The following CMTR1 variants were observed in gnomAD, a reference collection of about 807,000 sequenced individuals.
CMTR1 encodes the protein cap methyltransferase 1, also known as cap-specific mRNA (nucleoside-2'-O-)-methyltransferase 1.
A neutral mutation model predicts 107.0 loss-of-function variants in CMTR1; 39 were observed. The observed-to-expected ratio is 0.36, with a 90% confidence interval of 0.28 to 0.48. CMTR1 has a LOEUF of 0.48. CMTR1 is among the 20% of genes least tolerant of loss of function. CMTR1 has a pLI of 0.99. For missense variants in CMTR1, 672 were observed against 1,064.9 expected, an observed-to-expected ratio of 0.63 and a Z score of 5.14; for synonymous variants, 366 against 379.5, an observed-to-expected ratio of 0.96 and a Z score of 0.41.
At chr6:37,427,213 G>A in the CMTR1 span, among the ~76,000 whole-genome samples, 4 of 152,026 alleles carry the variant, frequency 2.6e-5, no homozygotes, top group East Asian at 1.9e-4. The surrounding 1 kb of genome is among the most constrained non-coding windows in gnomAD (Gnocchi z 4.4). Context: ...ATTAGACTCC[G>A]GAGTCCCATA....
intron 9 of CMTR1, 82 bp from the exon 10 acceptor site, chr6:37,459,484 T>C (rs578147217): frequency 1.7e-6 from 2 of 1,185,994 alleles, no homozygotes; most frequent in East Asian, 4.7e-5. Context: ...GATGCCCGTC[T>C]TCACTGACCC....
intron 9 of CMTR1, 63 bp from the exon 10 acceptor site, chr6:37,459,503 C>A: frequency 1.4e-6 from 2 of 1,401,202 alleles, no homozygotes; most frequent in Non-Finnish European, 2.0e-6. Flanking sequence ...CCAGAGCACT[C>A]GTGTCCCAGC....
At chr6:37,441,657 G>GC (rs1357504888) in intron 2 of CMTR1, among the ~76,000 whole-genome samples, 1 of 152,070 alleles carries the variant, frequency 6.6e-6, no homozygotes, top group Non-Finnish European at 1.5e-5. Context: ...CAGGTGATCC[G>GC]CCCGCCTCGC....
At position 37,481,221 on chromosome 6, in the gene CMTR1, G is replaced by A; in HGVS notation, c.*1076G>A. 1 of 1,296,536 alleles carries A rather than the reference G, an allele frequency of 7.7e-7. No individual in the cohort carries two copies. Among genetic ancestry groups the A allele is most frequent in the African/African-American group, 1.5e-5 (1 of 65,486 alleles). The allele number at this position is 1,296,536 out of a possible 1,614,324, so 80.3% of individuals were successfully genotyped here. On this transcript the variant is annotated 3_prime_UTR_variant, in exon 24 of 24. Coordinates refer to ENST00000373451, the MANE Select transcript of CMTR1 (RefSeq NM_015050.3). ...AGGGGGAGCTGGGCAGTAGCTTGGG[G>A]TGGGGGTGGGCACCTGTGGTTGTTT...
At chr6:37,431,888 T>G (rs1018021903), upstream of CMTR1, among the ~76,000 whole-genome samples, 1 of 152,218 alleles carries the variant, frequency 6.6e-6, no homozygotes, top group Non-Finnish European at 1.5e-5. Flanking sequence ...CAATCTCTGC[T>G]CACTGCAACC....
In CMTR1 at chr6:37,458,834, AG is replaced by A. The variant is rs1207501970; in HGVS notation, c.976+26del. 3 of 1,607,738 alleles carry A rather than the reference AG, an allele frequency of 1.9e-6. No individual in the cohort carries two copies. In the African/African-American group the frequency reaches 4.0e-5, roughly 21 times the overall value. On this transcript the variant is annotated intron_variant, in intron 9 of 23. Coordinates refer to ENST00000373451, the MANE Select transcript of CMTR1 (RefSeq NM_015050.3). The surrounding 1 kb of genome is among the most constrained non-coding windows in gnomAD (Gnocchi z 4.7). ...TGGTAGGGACATTGAGGAGGGTACT[AG>A]GAGGTATGAGGGACAGCCCCTCTAT...
At chr6:37,461,056 A>G (rs1207633508) in intron 10 of CMTR1, among the ~76,000 whole-genome samples, 4 of 152,206 alleles carry the variant, frequency 2.6e-5, no homozygotes, top group African/African-American at 9.7e-5. Context: ...ACCTGAGTCA[A>G]CAGAGAGAGA....
At chr6:37,454,259 G>A (rs1029421659) in intron 8 of CMTR1, among the ~76,000 whole-genome samples, 1 of 152,160 alleles carries the variant, frequency 6.6e-6, no homozygotes, top group African/African-American at 2.4e-5. Context: ...ACTGGCTAAA[G>A]AAACTTGTTT....
intron 2 of CMTR1, among the ~76,000 whole-genome samples, chr6:37,440,798 C>G (rs1325741815): frequency 6.6e-6 from 1 of 152,178 alleles, no homozygotes; most frequent in African/African-American, 2.4e-5. Context: ...AACAAAAGAT[C>G]TCTCTTTGAG....
chr6:37,448,388 C>G (rs1009110828), intron 4 of CMTR1, among the ~76,000 whole-genome samples: 1 of 152,082 alleles, frequency 6.6e-6, no homozygotes, highest in African/African-American at 2.4e-5. Flanking sequence ...ATAAAGTCCA[C>G]TCTGTAGGTA....
intron 13 of CMTR1, among the ~76,000 whole-genome samples, chr6:37,463,882 C>A (rs1761451306): frequency 6.6e-6 from 1 of 152,188 alleles, no homozygotes; most frequent in Non-Finnish European, 1.5e-5. Flanking sequence ...TAAACTTCAG[C>A]ATGTTATAGA....
chr6:37,437,448 A>T (rs1021502251), intron 2 of CMTR1, among the ~76,000 whole-genome samples: 14 of 143,164 alleles, frequency 9.8e-5, no homozygotes, highest in Admixed American at 1.5e-4. Flanking sequence ...AATGGCGTGA[A>T]CCCGGGAGGC....
At position 37,461,680 on chromosome 6, in the gene CMTR1, C is replaced by T. The variant is rs776997716; in HGVS notation, c.1192+35C>T. On this transcript the variant is annotated intron_variant, in intron 11 of 23. Coordinates refer to ENST00000373451, the MANE Select transcript of CMTR1 (RefSeq NM_015050.3). ...CCTCAGCTGTCTCCTCACCCCAGGA[C>T]CCACTTAGAGGCCCTATTGGACAAG... 8.6e-6 allele frequency: 12 copies of T among 1,398,374 alleles called. No homozygotes were observed. In the South Asian group the frequency reaches 1.0e-4, roughly 12 times the overall value. The allele number at this position is 1,398,374 out of a possible 1,614,324, so 86.6% of individuals were successfully genotyped here. A position where few individuals can be genotyped will look rare whatever the true frequency, so the allele number is the denominator to read the frequency against.
At chr6:37,457,267 A>C (rs967601858) in intron 8 of CMTR1, among the ~76,000 whole-genome samples, 2 of 151,452 alleles carry the variant, frequency 1.3e-5, no homozygotes, top group African/African-American at 4.9e-5. Context: ...AAAGCTACTC[A>C]AGGGGCCACA....
At chr6:37,453,556 G>A (rs1337593615) in intron 8 of CMTR1, among the ~76,000 whole-genome samples, 1 of 152,202 alleles carries the variant, frequency 6.6e-6, no homozygotes, top group Non-Finnish European at 1.5e-5. Context: ...GTGGAAGGGT[G>A]AATACTGTTT....
chr6:37,455,813 T>A (rs930908559), intron 8 of CMTR1, among the ~76,000 whole-genome samples: 4 of 152,246 alleles, frequency 2.6e-5, no homozygotes, highest in Admixed American at 2.0e-4. Flanking sequence ...TTTAATACTT[T>A]ACAGTTTGTA....
At chr6:37,461,839 A>T in intron 11 of CMTR1, 131 bp from the exon 12 acceptor site, 1 of 1,076,830 alleles carries the variant, frequency 9.3e-7, no homozygotes, top group Non-Finnish European at 1.4e-6. Flanking sequence ...TCTCCCCCTT[A>T]AATTGTCTCT....
intron 2 of CMTR1, among the ~76,000 whole-genome samples, chr6:37,437,917 C>T (rs1771575187): frequency 6.6e-6 from 1 of 152,120 alleles, no homozygotes; most frequent in Non-Finnish European, 1.5e-5. Flanking sequence ...AAGGAAAGGA[C>T]AAGTCCCAGG....
chr6:37,463,077 A>C, intron 13 of CMTR1, 69 bp downstream of exon 13: 1 of 1,472,690 alleles, frequency 6.8e-7, no homozygotes, highest in African/African-American at 1.4e-5. Flanking sequence ...TGAAAGACTG[A>C]ATGGTTGGCT....
Sources: gnomAD v4.1 joint callset for allele counts (sites outside exome capture counted in the v4.1 genomes callset) on GRCh38, gnomAD v4.1.1 for gene constraint, Gnocchi (gnomAD v3.1) non-coding constraint, MANE v1.5 for transcripts, NCBI Gene and HGNC (gene_info 2026-07-23, HGNC 2026-07-21) for gene names.